The following GPC5 variants were observed in gnomAD, a reference collection of about 807,000 sequenced individuals.
The protein encoded by GPC5 is glypican 5.
Under a neutral mutation model 53.9 loss-of-function variants are expected in GPC5, and 47 were observed. That is an observed-to-expected ratio of 0.87 (90% CI 0.69 to 1.11). The LOEUF (loss-of-function observed/expected upper bound fraction) is 1.11. Ranked by LOEUF, GPC5 falls within the 50% of genes most tolerant of loss-of-function variation. The pLI is 0.00. For missense variants in GPC5, 748 were observed against 713.1 expected (o/e 1.05, Z -0.56); for synonymous variants, 286 against 263.3 (o/e 1.09, Z -0.84).
intron 7 of GPC5, among the ~76,000 whole-genome samples, chr13:92,528,616 CTTAAA>C (rs1359953008): frequency 6.6e-6 from 1 of 151,922 alleles, no homozygotes; most frequent in Non-Finnish European, 1.5e-5. Context: ...CTATTAAAAT[CTTAAA>C]TTAACTCACT....
intron 6 of GPC5, among the ~76,000 whole-genome samples, chr13:91,953,681 G>A (rs963126776): frequency 2.0e-5 from 3 of 152,152 alleles, no homozygotes; most frequent in Admixed American, 6.5e-5. Flanking sequence ...GGAGGCTAGG[G>A]AGGTCCAAGA....
At chr13:91,509,299 C>CAA (rs5805701) in intron 2 of GPC5, among the ~76,000 whole-genome samples, 5 of 149,646 alleles carry the variant, frequency 3.3e-5, no homozygotes, top group Admixed American at 1.4e-4. Context: ...CTGTTGCAAA[C>CAA]AAAAAAAACT....
chr13:92,248,202 GA>G (rs56862631), intron 7 of GPC5, among the ~76,000 whole-genome samples: 11,693 of 148,332 alleles, frequency 0.079, 1,406 homozygotes, highest in African/African-American at 0.26. Context: ...ATGGCCATAG[GA>G]AAAAAAAAAA....
At chr13:92,809,380 T>C (rs903311562) in intron 7 of GPC5, among the ~76,000 whole-genome samples, 1 of 152,182 alleles carries the variant, frequency 6.6e-6, no homozygotes, top group Non-Finnish European at 1.5e-5. Flanking sequence ...TCACAAAGCA[T>C]GCTCACTAAC....
chr13:92,663,607 T>C (rs1302725270), intron 7 of GPC5, among the ~76,000 whole-genome samples: 1 of 84,690 alleles, frequency 1.2e-5, no homozygotes, highest in Non-Finnish European at 3.1e-5. Flanking sequence ...ACTATATATA[T>C]ATATATCTAC....
chr13:91,940,784 G>A (rs558639956), intron 6 of GPC5, among the ~76,000 whole-genome samples: 44 of 151,990 alleles, frequency 2.9e-4, no homozygotes, highest in Admixed American at 5.2e-4. Context: ...TTGGCCTTTT[G>A]TATGTTTTCA....
intron 5 of GPC5, among the ~76,000 whole-genome samples, chr13:91,907,503 T>TATATA (rs2039566577): frequency 1.1e-4 from 14 of 129,542 alleles, no homozygotes; most frequent in East Asian, 4.4e-4. Flanking sequence ...CTCTCTCTCT[T>TATATA]TATATATATA....
intron 7 of GPC5, among the ~76,000 whole-genome samples, chr13:92,519,130 A>T (rs1422808069): frequency 6.6e-6 from 1 of 152,052 alleles, no homozygotes; most frequent in East Asian, 1.9e-4. Context: ...TCATAAAGCA[A>T]GTTCTTAGAG....
chr13:92,098,247 G>C (rs1204535392), intron 6 of GPC5, among the ~76,000 whole-genome samples: 1 of 152,086 alleles, frequency 6.6e-6, no homozygotes, highest in Non-Finnish European at 1.5e-5. Flanking sequence ...ACTTATAAGT[G>C]AGAGCATGCA....
intron 6 of GPC5, among the ~76,000 whole-genome samples, chr13:91,935,080 G>A (rs2139037039): frequency 6.6e-6 from 1 of 152,042 alleles, no homozygotes; most frequent in Non-Finnish European, 1.5e-5. Flanking sequence ...AAATAGATAT[G>A]GGAAGATGAC....
intron 2 of GPC5, among the ~76,000 whole-genome samples, chr13:91,616,602 C>A (rs2033702112): frequency 1.3e-5 from 2 of 151,902 alleles, no homozygotes; most frequent in South Asian, 4.2e-4. Context: ...TTTATCTCTG[C>A]CAATTTTTTC....
At chr13:91,704,911 G>T (rs1399058851) in intron 3 of GPC5, among the ~76,000 whole-genome samples, 6 of 152,102 alleles carry the variant, frequency 3.9e-5, no homozygotes, top group Admixed American at 3.9e-4. Flanking sequence ...TACAACATTG[G>T]CCACTGATCC....
chr13:92,623,880 A>C (rs1193832704), intron 7 of GPC5, among the ~76,000 whole-genome samples: 2 of 151,654 alleles, frequency 1.3e-5, no homozygotes, highest in Non-Finnish European at 2.9e-5. Flanking sequence ...ATTTTGAGAC[A>C]GAGTTTTGCT....
chr13:92,663,627 AC>A (rs1383441912), intron 7 of GPC5, among the ~76,000 whole-genome samples: 6 of 83,226 alleles, frequency 7.2e-5, no homozygotes, highest in African/African-American at 2.0e-4. Context: ...CTATATATAT[AC>A]TATATATACA....
intron 6 of GPC5, among the ~76,000 whole-genome samples, chr13:92,084,435 G>C (rs754650222): frequency 6.6e-6 from 1 of 152,182 alleles, no homozygotes; most frequent in Non-Finnish European, 1.5e-5. Flanking sequence ...AAGAGTTGAG[G>C]CTGGTCTTGG....
chr13:92,615,774 G>A (rs1884662883), intron 7 of GPC5, among the ~76,000 whole-genome samples: 1 of 152,000 alleles, frequency 6.6e-6, no homozygotes, highest in African/African-American at 2.4e-5. Context: ...CCCCTACCAG[G>A]CTGGGCGCGG....
intron 7 of GPC5, among the ~76,000 whole-genome samples, chr13:92,652,700 A>G (rs1015445841): frequency 1.2e-4 from 19 of 152,204 alleles, no homozygotes; most frequent in South Asian, 2.1e-4. Flanking sequence ...ACTGATACAT[A>G]ATACATTTTA....
chr13:91,849,156 A>G (rs1018206003), intron 5 of GPC5, among the ~76,000 whole-genome samples: 1 of 152,214 alleles, frequency 6.6e-6, no homozygotes, highest in African/African-American at 2.4e-5. Flanking sequence ...GATCTAATAA[A>G]GAATGCATTT....
chr13:92,854,303 A>G (rs1264557755), intron 7 of GPC5, among the ~76,000 whole-genome samples: 1 of 147,654 alleles, frequency 6.8e-6, no homozygotes, highest in Non-Finnish European at 1.5e-5. Flanking sequence ...AAATATATAT[A>G]TTTATTGAAT....
Sources: gnomAD v4.1 joint callset for allele counts (sites outside exome capture counted in the v4.1 genomes callset) on GRCh38, gnomAD v4.1.1 for gene constraint, MANE v1.5 for transcripts, NCBI Gene and HGNC (gene_info 2026-07-23, HGNC 2026-07-21) for gene names.